Variants in DOCK4 observed in about 807,000 individuals in gnomAD.
The protein encoded by DOCK4 is dedicator of cytokinesis protein 4.
Under a neutral mutation model 268.1 loss-of-function variants are expected in DOCK4, and 97 were observed. The ratio of observed to expected loss-of-function variants is 0.36; its 90% CI spans 0.31 to 0.43. The LOEUF is 0.43. Ranked by LOEUF, DOCK4 falls within the 20% of genes least tolerant of loss-of-function variation. The pLI, the probability that DOCK4 is intolerant of heterozygous loss-of-function variation, is 1.00. For missense variants in DOCK4, 2,145 were observed against 2,455.7 expected, an observed-to-expected ratio of 0.87 and a Z score of 2.67; for synonymous variants, 954 against 887.2, an observed-to-expected ratio of 1.08 and a Z score of -1.34.
chr7:112,186,920 C>T (rs970089393), intron 1 of DOCK4, among the ~76,000 whole-genome samples: 5 of 151,926 alleles, frequency 3.3e-5, no homozygotes, highest in Admixed American at 6.6e-5. Flanking sequence ...AGCAAATATG[C>T]CATGGCTATT....
intron 30 of DOCK4, among the ~76,000 whole-genome samples, chr7:111,792,610 T>A (rs897060409): frequency 2.6e-5 from 4 of 152,162 alleles, no homozygotes; most frequent in African/African-American, 9.7e-5. Context: ...CTTGAACTCC[T>A]GACCTCAGGT....
chr7:111,901,211 G>A (rs1299296278), intron 14 of DOCK4, among the ~76,000 whole-genome samples: 1 of 151,666 alleles, frequency 6.6e-6, no homozygotes, highest in African/African-American at 2.4e-5. Context: ...ACGCACGCCT[G>A]TAATCCCAGT....
In DOCK4 at chr7:111,742,186, G is replaced by A; in HGVS notation, c.4678-54C>T. The A allele has an allele frequency of 4.0e-6, 6 of 1,508,340 alleles. No homozygotes were observed. In the South Asian group the frequency reaches 6.9e-5, roughly 17 times the overall value. 93.4% of individuals were successfully genotyped at this position (1,508,340 alleles called of 1,614,324 possible). A position where few individuals can be genotyped will look rare whatever the true frequency, so the allele number is the denominator to read the frequency against. ...CACATCAATGACTACCTCTCACTAA[G>A]TGCCTGCTATGGGCCGAGCACTTTA... On this transcript the variant is annotated intron_variant, in intron 44 of 52. Coordinates refer to ENST00000428084, the MANE Select transcript of DOCK4 (RefSeq NM_001363540.2).
chr7:112,071,702 T>A (rs1166613476), intron 1 of DOCK4, among the ~76,000 whole-genome samples: 2 of 152,228 alleles, frequency 1.3e-5, no homozygotes, highest in Non-Finnish European at 2.9e-5. Flanking sequence ...TTTCAATGTA[T>A]TTTTATTCAC....
chr7:111,784,197 T>G, intron 32 of DOCK4, 74 bp from the exon 33 acceptor site: 2 of 1,433,558 alleles, frequency 1.4e-6, no homozygotes, highest in Non-Finnish European at 1.9e-6. Flanking sequence ...CACATGCATA[T>G]AATCATATTT....
At chr7:112,157,649 C>G (rs942610432) in intron 1 of DOCK4, among the ~76,000 whole-genome samples, 1 of 152,140 alleles carries the variant, frequency 6.6e-6, no homozygotes, top group African/African-American at 2.4e-5. Context: ...CCAGGCAAAG[C>G]AGAAACAGAG....
At chr7:111,747,488 C>T (rs1796352727) in intron 42 of DOCK4, 45 bp from the exon 43 acceptor site, 1 of 1,513,396 alleles carries the variant, frequency 6.6e-7, no homozygotes, top group Non-Finnish European at 8.9e-7. Context: ...TTGTGACATT[C>T]AAGAAGAAAG....
intron 17 of DOCK4, 96 bp downstream of exon 17, chr7:111,876,934 G>C (rs1442042134): frequency 2.5e-5 from 29 of 1,149,670 alleles, no homozygotes; most frequent in Non-Finnish European, 3.1e-5. Context: ...TTTTTCTAAA[G>C]TTCTTAACTA....
At chr7:112,168,619 C>T (rs1023856358) in intron 1 of DOCK4, among the ~76,000 whole-genome samples, 1 of 152,128 alleles carries the variant, frequency 6.6e-6, no homozygotes, top group Admixed American at 6.6e-5. Flanking sequence ...GTAAGAAGAT[C>T]GCTTGAACCT....
intron 1 of DOCK4, among the ~76,000 whole-genome samples, chr7:112,110,613 G>A (rs1372274089): frequency 1.3e-5 from 2 of 152,222 alleles, no homozygotes; most frequent in Admixed American, 1.3e-4. Context: ...ATGCATGGGG[G>A]AGTCATCCAG....
chr7:112,093,815 A>G (rs751986703), intron 1 of DOCK4, among the ~76,000 whole-genome samples: 5 of 151,962 alleles, frequency 3.3e-5, no homozygotes, highest in Admixed American at 2.0e-4. Context: ...ATATTGAGAT[A>G]AAAAATTGAT....
At chr7:112,191,696 A>T (rs1189530769) in intron 1 of DOCK4, among the ~76,000 whole-genome samples, 1 of 152,044 alleles carries the variant, frequency 6.6e-6, no homozygotes. Flanking sequence ...AAGGGACCAC[A>T]TGCTTCAGGC....
At chr7:111,892,335 G>T (rs182609082) in intron 16 of DOCK4, among the ~76,000 whole-genome samples, 286 of 152,180 alleles carry the variant, frequency 1.9e-3, no homozygotes, top group Non-Finnish European at 3.3e-3. Flanking sequence ...CAAGTAGCTG[G>T]GATTACAGGC....
chr7:111,782,750 T>C (rs62472919), intron 35 of DOCK4, 114 bp downstream of exon 35: 74,980 of 1,109,598 alleles, frequency 0.068, 3,199 homozygotes, highest in Non-Finnish European at 0.084. Flanking sequence ...AATTTAAAAA[T>C]AACTCTTCTA....
chr7:111,956,087 C>G (rs562484421), intron 8 of DOCK4, among the ~76,000 whole-genome samples: 1 of 152,110 alleles, frequency 6.6e-6, no homozygotes, highest in African/African-American at 2.4e-5. Flanking sequence ...AGGCAGAATG[C>G]GTTCTGCTTA....
In DOCK4 at chr7:111,765,120, T is replaced by G; in HGVS notation, c.4018A>C (p.Arg1340=). The G allele has an allele frequency of 6.7e-7, 1 of 1,500,110 alleles. No individual in the cohort carries two copies. Among genetic ancestry groups the G allele is most frequent in the Non-Finnish European group, 9.0e-7 (1 of 1,116,616 alleles). 92.9% of individuals were successfully genotyped at this position (1,500,110 alleles called of 1,614,324 possible). The change falls in exon 39 of 53, where the codon AGA becomes CGA. Residue 1340 remains arginine (R), a splice_region_variant and synonymous_variant. Transcript: ENST00000428084. ...AAATTAAATAGTATATTACTTACTC[T>G]TAAGAAAAATGGAAATTTTTTTCCA... is the stretch of plus-strand genomic sequence containing the variant. The part of the protein sequence containing the change: ...FYGKKFPFFL[R]NKEFVCRGHD...
chr7:112,004,923 T>A (rs115701634), intron 1 of DOCK4, among the ~76,000 whole-genome samples: 2,504 of 152,288 alleles, frequency 0.016, 75 homozygotes, highest in African/African-American at 0.056. Flanking sequence ...TACGCACAGA[T>A]TAGTCCTTTT....
chr7:112,031,742 T>A (rs1013280181), intron 1 of DOCK4, among the ~76,000 whole-genome samples: 3 of 152,182 alleles, frequency 2.0e-5, no homozygotes, highest in African/African-American at 7.2e-5. Context: ...CTTGCTTTAC[T>A]CCAGAACATT....
intron 1 of DOCK4, among the ~76,000 whole-genome samples, chr7:112,164,944 A>G (rs1817459852): frequency 6.6e-6 from 1 of 152,210 alleles, no homozygotes; most frequent in South Asian, 2.1e-4. Flanking sequence ...ATTAAGGAGT[A>G]AAAATTTGTT....
Sources: allele counts gnomAD v4.1 joint callset (sites outside exome capture counted in the v4.1 genomes callset), GRCh38; gene constraint gnomAD v4.1.1; transcripts MANE v1.5; gene names NCBI Gene and HGNC (gene_info 2026-07-23, HGNC 2026-07-21).